MECR: variants seen among roughly 807,000 people sequenced by gnomAD.
The protein encoded by MECR is enoyl-[acyl-carrier-protein] reductase, mitochondrial.
Under a neutral mutation model 49.1 loss-of-function variants are expected in MECR, and 37 were observed. The observed-to-expected ratio is 0.75, with a 90% CI of 0.58 to 0.99. The LOEUF is 0.99. MECR is among the 50% of genes least tolerant of loss of function. MECR has a pLI of 0.00. For missense variants in MECR, 470 were observed against 479.6 expected (o/e 0.98, Z 0.19); for synonymous variants, 198 against 191.1 (o/e 1.04, Z -0.30).
In MECR at chr1:29,201,924, T is replaced by C; in HGVS notation, c.756+19A>G. ...AGATGTGCGTGGACTGGAGGGGCAA[T>C]GTCCCTCTTCCTAGGTACCTTAAAG... On this transcript the variant is annotated intron_variant, in intron 6 of 9. Transcript: ENST00000263702. The surrounding 1 kb of genome is among the most constrained non-coding windows in gnomAD (Gnocchi z 4.3). 6.3e-7 allele frequency: 1 copy of C among 1,588,518 alleles called. No homozygotes were observed. The highest frequency in any genetic ancestry group is 8.6e-7 in the Non-Finnish European group (1 of 1,156,702).
chr1:29,209,526 G>A (rs1435739648), intron 3 of MECR, among the ~76,000 whole-genome samples: 1 of 152,162 alleles, frequency 6.6e-6, no homozygotes, highest in African/African-American at 2.4e-5. Context: ...TGTGGGGGTC[G>A]AGGTATGAGA....
At chr1:29,226,562 T>C (rs1236953532) in intron 1 of MECR, among the ~76,000 whole-genome samples, 2 of 152,212 alleles carry the variant, frequency 1.3e-5, no homozygotes, top group Non-Finnish European at 2.9e-5. Flanking sequence ...TGAAACCCCA[T>C]CTATATTTTT....
In MECR at chr1:29,217,211, G is replaced by GT. The variant is rs796559272; in HGVS notation, c.177-527dup. On this transcript the variant is annotated intron_variant, in intron 1 of 9. Transcript: ENST00000263702. ...TAACTGCAAGTGGAAAACCCACAGT[G>GT]TTTTTTTTTTTTTTTTTAGACAGAG... Among the ~76,000 whole-genome samples the GT allele has an allele frequency of 2.7e-3, 324 of 121,516 alleles. 1 individual carries two copies. The highest frequency in any genetic ancestry group is 5.7e-3 in the African/African-American group (190 of 33,234). 79.7% of individuals were successfully genotyped at this position (121,516 alleles called of 152,430 possible).
chr1:29,192,874 T>C lies in MECR; in HGVS notation c.*1148A>G, dbSNP rs1673209450. The stretch of plus-strand genomic sequence containing the variant: ...ATCTTCTTTACAGCATTAGTCACTA[T>C]GGTAATTACTGTGAGATTGTTTAAT... On this transcript the variant is annotated 3_prime_UTR_variant, in exon 10 of 10. Transcript: ENST00000263702. 6.6e-6 allele frequency: 1 copy of C among 152,128 alleles called. No homozygotes were observed. Among genetic ancestry groups the C allele is most frequent in the African/African-American group, 2.4e-5 (1 of 41,430 alleles). The allele number at this position is 152,128 out of a possible 1,614,324, so 9.4% of individuals were successfully genotyped here.
At chr1:29,206,319 T>G (rs941635347) in intron 4 of MECR, among the ~76,000 whole-genome samples, 2 of 152,208 alleles carry the variant, frequency 1.3e-5, no homozygotes, top group Non-Finnish European at 1.5e-5. Context: ...CTGTGAAGAT[T>G]TCATGCACTC....
chr1:29,188,153 G>C (rs183680679), downstream of MECR, among the ~76,000 whole-genome samples: 434 of 150,508 alleles, frequency 2.9e-3, 1 homozygote, highest in African/African-American at 9.7e-3. Flanking sequence ...GGAGAGACCA[G>C]ATCTTGAGGG....
intron 3 of MECR, among the ~76,000 whole-genome samples, chr1:29,213,376 G>A (rs1678507650): frequency 6.6e-6 from 1 of 152,114 alleles, no homozygotes. Flanking sequence ...GAGAAGCAAA[G>A]AGCTTGTAGT....
At chr1:29,171,809 T>C in the MECR span, 3 of 152,156 alleles carry the variant, frequency 2.0e-5, no homozygotes, top group Non-Finnish European at 4.4e-5. Context: ...AAGGGACAAA[T>C]ACTTCGTATG....
chr1:29,179,628 T>A, the MECR span, among the ~76,000 whole-genome samples: 1 of 152,206 alleles, frequency 6.6e-6, no homozygotes, highest in Non-Finnish European at 1.5e-5. Flanking sequence ...CAAGTCACCA[T>A]GCCTGAGCCC....
the MECR span, chr1:29,169,479 G>C: frequency 1.3e-5 from 2 of 152,240 alleles, no homozygotes; most frequent in Non-Finnish European, 2.9e-5. Flanking sequence ...ATTTCTGCAT[G>C]TGATGTGTGT....
At chr1:29,197,877 T>G (rs1056463666) in intron 7 of MECR, among the ~76,000 whole-genome samples, 3 of 152,240 alleles carry the variant, frequency 2.0e-5, no homozygotes, top group African/African-American at 7.2e-5. Context: ...AACCTTGTTT[T>G]AGAGATGAGA....
the MECR span, among the ~76,000 whole-genome samples, chr1:29,179,252 T>C: frequency 1.3e-5 from 2 of 152,218 alleles, no homozygotes; most frequent in Non-Finnish European, 2.9e-5. Flanking sequence ...CCATGCTAGA[T>C]TGTTTATTAT....
At chr1:29,206,018 C>A (rs961847007) in intron 4 of MECR, among the ~76,000 whole-genome samples, 1 of 152,202 alleles carries the variant, frequency 6.6e-6, no homozygotes, top group African/African-American at 2.4e-5. Flanking sequence ...TACTCCCTGG[C>A]TGATCTCATG....
chr1:29,168,960 C>T, the MECR span: 2 of 152,148 alleles, frequency 1.3e-5, no homozygotes, highest in Non-Finnish European at 2.9e-5. Context: ...GTTAAAGCAG[C>T]AACCAGAAAA....
chr1:29,195,878 T>G (rs1673846594), intron 9 of MECR, 63 bp downstream of exon 9: 2 of 1,552,854 alleles, frequency 1.3e-6, no homozygotes, highest in African/African-American at 1.4e-5. Flanking sequence ...AGCTGGTCAT[T>G]TCTGCTGCCA....
chr1:29,199,688 G>A (rs550834531), intron 7 of MECR, among the ~76,000 whole-genome samples: 10 of 149,284 alleles, frequency 6.7e-5, no homozygotes, highest in Non-Finnish European at 8.9e-5. Context: ...GTGTGATCTC[G>A]GCTCACTGCA....
At chr1:29,188,536 G>T (rs1352482901), downstream of MECR, among the ~76,000 whole-genome samples, 3 of 152,150 alleles carry the variant, frequency 2.0e-5, no homozygotes, top group Non-Finnish European at 4.4e-5. Flanking sequence ...GCAACTATAG[G>T]TAGTCACTGG....
At chr1:29,183,360 A>G in the MECR span, among the ~76,000 whole-genome samples, 1 of 152,190 alleles carries the variant, frequency 6.6e-6, no homozygotes, top group African/African-American at 2.4e-5. Context: ...TTGTTATTAC[A>G]CTGCTGCAGT....
intron 5 of MECR, among the ~76,000 whole-genome samples, chr1:29,202,279 C>G (rs1675511544): frequency 6.6e-6 from 1 of 152,180 alleles, no homozygotes; most frequent in Non-Finnish European, 1.5e-5. Context: ...CAGGCCCTGA[C>G]AGCTCAATAG....
Sources: allele counts gnomAD v4.1 joint callset (sites outside exome capture counted in the v4.1 genomes callset), GRCh38; gene constraint gnomAD v4.1.1; non-coding constraint Gnocchi (gnomAD v3.1); transcripts MANE v1.5; gene names NCBI Gene and HGNC (gene_info 2026-07-23, HGNC 2026-07-21).